The following MRTFA variants were observed in gnomAD, a reference collection of about 807,000 sequenced individuals.
MRTFA encodes myocardin-related transcription factor A.
A neutral mutation model predicts 83.5 loss-of-function variants in MRTFA; 20 were observed. The ratio of observed to expected loss-of-function variants is 0.24; its 90% confidence interval spans 0.17 to 0.35. The LOEUF (loss-of-function observed/expected upper bound fraction) is 0.35. MRTFA is among the 10% of genes least tolerant of loss of function. The pLI is 1.00. For missense variants in MRTFA, 1,200 were observed against 1,224.7 expected (o/e 0.98, Z 0.30); for synonymous variants, 659 against 541.2 (o/e 1.22, Z -3.02).
At chr22:40,582,945 A>C (rs113912219) in intron 2 of MRTFA, among the ~76,000 whole-genome samples, 9 of 152,220 alleles carry the variant, frequency 5.9e-5, no homozygotes. Context: ...CAGTGCCCTC[A>C]GGTACTGCAA....
At chr22:40,460,569 T>A (rs974699817) in intron 4 of MRTFA, among the ~76,000 whole-genome samples, 1 of 152,206 alleles carries the variant, frequency 6.6e-6, no homozygotes, top group African/African-American at 2.4e-5. Context: ...TTAATCTTGG[T>A]AGCATCTAGG....
chr22:40,570,358 G>A (rs893838102), intron 2 of MRTFA, among the ~76,000 whole-genome samples: 3 of 151,588 alleles, frequency 2.0e-5, no homozygotes, highest in Non-Finnish European at 4.4e-5. Flanking sequence ...GGTGGATCAC[G>A]AGGTCAGGAG....
chr22:40,619,550 T>C (rs887116883), intron 1 of MRTFA, among the ~76,000 whole-genome samples: 1 of 152,096 alleles, frequency 6.6e-6, no homozygotes, highest in South Asian at 2.1e-4. Flanking sequence ...CTTCTTGTTA[T>C]TTGCAGTAAA....
chr22:40,617,352 T>C (rs2056464301), intron 1 of MRTFA, among the ~76,000 whole-genome samples: 1 of 152,086 alleles, frequency 6.6e-6, no homozygotes, highest in African/African-American at 2.4e-5. Flanking sequence ...GATTTAAGGC[T>C]GAGTCTTGAG....
chr22:40,456,453 C>T (rs562161752), intron 4 of MRTFA, among the ~76,000 whole-genome samples: 3 of 152,118 alleles, frequency 2.0e-5, no homozygotes, highest in African/African-American at 2.4e-5. Context: ...TTTGGGAGGC[C>T]GAGACAAGCA....
chr22:40,506,844 C>G (rs1465814941), intron 3 of MRTFA, among the ~76,000 whole-genome samples: 1 of 152,204 alleles, frequency 6.6e-6, no homozygotes, highest in African/African-American at 2.4e-5. Context: ...ACCGAGTGTA[C>G]TAGCTACCAG....
chr22:40,608,685 T>A (rs1430522052), intron 1 of MRTFA, among the ~76,000 whole-genome samples: 2 of 152,210 alleles, frequency 1.3e-5, no homozygotes, highest in Non-Finnish European at 2.9e-5. Context: ...TTCATTCAAA[T>A]ACTTGCTAAG....
rs748629208 is a variant in MRTFA at position 40,419,172 on chromosome 22, C to T, written c.1566G>A (p.Val522=). ...CCTCAGCTGGAGCCAGGCCTGCTGC[C>T]ACCAGGGCTGGCCCCGTGCTCAGCC... Residue 522 remains valine, a synonymous_variant, in exon 12 of 15, where the codon GTG becomes GTA. Coordinates refer to ENST00000355630, the MANE Select transcript of MRTFA (RefSeq NM_020831.6). 3.2e-6 allele frequency: 5 copies of T among 1,585,068 alleles called. No individual in the cohort carries two copies. The highest frequency in any genetic ancestry group is 1.8e-5 in the Admixed American group (1 of 56,294).
At chr22:40,613,908 T>C (rs1220819575) in intron 1 of MRTFA, among the ~76,000 whole-genome samples, 1 of 150,816 alleles carries the variant, frequency 6.6e-6, no homozygotes, top group Non-Finnish European at 1.5e-5. Flanking sequence ...TTTCAAAAAA[T>C]AAAAAAATAA....
At chr22:40,562,638 A>AG (rs1466431190) in intron 2 of MRTFA, among the ~76,000 whole-genome samples, 1 of 33,550 alleles carries the variant, frequency 3.0e-5, no homozygotes. Context: ...GAAGGGGGAA[A>AG]GGGGGGGAGG....
intron 1 of MRTFA, among the ~76,000 whole-genome samples, chr22:40,600,662 T>C (rs2056248193): frequency 6.6e-6 from 1 of 152,168 alleles, no homozygotes; most frequent in Admixed American, 6.5e-5. Flanking sequence ...TACCATAACA[T>C]ATGCAATACT....
At chr22:40,539,070 C>A (rs1307074312) in intron 3 of MRTFA, among the ~76,000 whole-genome samples, 3 of 144,760 alleles carry the variant, frequency 2.1e-5, no homozygotes, top group African/African-American at 5.1e-5. Context: ...TCTCGGCTCA[C>A]TGCAACCTCC....
chr22:40,514,607 G>A (rs1037279919), intron 3 of MRTFA, among the ~76,000 whole-genome samples: 3 of 151,088 alleles, frequency 2.0e-5, no homozygotes, highest in African/African-American at 7.3e-5. Flanking sequence ...CTGAGTGGCT[G>A]GGATTATAGA....
chr22:40,609,442 C>A (rs1451550001), intron 1 of MRTFA, among the ~76,000 whole-genome samples: 1 of 143,982 alleles, frequency 6.9e-6, no homozygotes, highest in Non-Finnish European at 1.5e-5. Context: ...GACTGCATCA[C>A]TGCCAGCCTG....
chr22:40,603,542 G>A (rs1295681425), intron 1 of MRTFA, among the ~76,000 whole-genome samples: 1 of 148,950 alleles, frequency 6.7e-6, no homozygotes, highest in East Asian at 2.0e-4. Flanking sequence ...GAGTGGCTTA[G>A]CACATGGAAA....
At chr22:40,509,413 C>CCTA (rs2054631367) in intron 3 of MRTFA, among the ~76,000 whole-genome samples, 1 of 152,144 alleles carries the variant, frequency 6.6e-6, no homozygotes, top group African/African-American at 2.4e-5. Context: ...CCTGTTATGA[C>CCTA]CTACTCTTAG....
intron 4 of MRTFA, among the ~76,000 whole-genome samples, chr22:40,451,568 C>T (rs952739329): frequency 6.6e-6 from 1 of 152,174 alleles, no homozygotes; most frequent in Admixed American, 6.5e-5. Context: ...GCAAACTGTT[C>T]CAGCGTCTCC....
intron 1 of MRTFA, among the ~76,000 whole-genome samples, chr22:40,595,162 C>T (rs1368014887): frequency 2.7e-5 from 4 of 147,474 alleles, no homozygotes; most frequent in South Asian, 2.2e-4. Flanking sequence ...GCTCTGTCGC[C>T]GGGCTGGAAT....
At chr22:40,535,332 G>A (rs567459302) in intron 3 of MRTFA, among the ~76,000 whole-genome samples, 1 of 148,410 alleles carries the variant, frequency 6.7e-6, no homozygotes, top group Non-Finnish European at 1.5e-5. Context: ...ATAATTTGCT[G>A]TGTGAGAGGT....
Sources: allele counts gnomAD v4.1 joint callset (sites outside exome capture counted in the v4.1 genomes callset), GRCh38; gene constraint gnomAD v4.1.1; transcripts MANE v1.5; gene names NCBI Gene and HGNC (gene_info 2026-07-23, HGNC 2026-07-21).